Variants in MAML3 observed in about 807,000 individuals in gnomAD.
The protein encoded by MAML3 is mastermind like transcriptional coactivator 3.
In MAML3, 27 loss-of-function variants were observed where a neutral mutation model predicts 101.9. That is an observed-to-expected ratio of 0.27 (90% CI 0.20 to 0.37). The LOEUF (loss-of-function observed/expected upper bound fraction) is 0.37. Among genes scored for constraint, MAML3 ranks in the 10% least tolerant of loss-of-function variants. The probability of loss-of-function intolerance (pLI) is 1.00; values close to 1 mark genes in which losing one functional copy is unlikely to be tolerated. For synonymous variants in MAML3, 501 were observed against 555.9 expected (o/e 0.90, Z 1.39); for missense variants, 1,316 against 1,444.9 (o/e 0.91, Z 1.45).
At position 139,716,858 on chromosome 4, in the gene MAML3, A is replaced by G. The variant is rs1478497568; in HGVS notation, c.*2465T>C. The stretch of plus-strand genomic sequence containing the variant: ...CGTTCTGTACATTTCTTAAAAGGAA[A>G]TAAGCAATGCTCAATGTACAAAGTA... On this transcript the variant is annotated 3_prime_UTR_variant, in exon 5 of 5. Coordinates refer to ENST00000509479, the MANE Select transcript of MAML3 (RefSeq NM_018717.5). 6.5e-6 allele frequency: 1 copy of G among 152,676 alleles called. No individual in the cohort carries two copies. The highest frequency in any genetic ancestry group is 1.5e-5 in the Non-Finnish European group (1 of 68,052). 9.5% of individuals were successfully genotyped at this position (152,676 alleles called of 1,614,324 possible).
At chr4:139,931,117 A>AT (rs1733385011) in intron 1 of MAML3, among the ~76,000 whole-genome samples, 1 of 152,114 alleles carries the variant, frequency 6.6e-6, no homozygotes, top group Non-Finnish European at 1.5e-5. Context: ...TGACTGTACA[A>AT]TTTGTGAGCC....
rs564807471 is a variant in MAML3, at chr4:140,003,820, G to A, written c.469-112853C>T. ...AGTTTCCATGTCTGTGACAATCAAG[G>A]ATTGGGCTCCTTGAATTAAGTCTGC... On this transcript the variant is annotated intron_variant, in intron 1 of 4. Transcript: ENST00000509479. 7.2e-5 allele frequency among the ~76,000 whole-genome samples: 11 copies of A among 152,254 alleles called. No homozygotes were observed. The South Asian group carries it at 1.0e-3, about 14-fold the overall frequency.
Position 140,143,772 on chromosome 4 carries a change from AC to A in MAML3, c.468+9087del, listed in dbSNP as rs1472338987. On this transcript the variant is annotated intron_variant, in intron 1 of 4. Coordinates refer to ENST00000509479, the MANE Select transcript of MAML3 (RefSeq NM_018717.5). ...CGAGACTCTGTCTCAAAAAAAGACA[AC>A]CGTTCACCTTTCTGACAGGCAAGAA... 2.0e-5 allele frequency among the ~76,000 whole-genome samples: 3 copies of A among 151,990 alleles called. No individual in the cohort carries two copies. The East Asian group carries it at 5.8e-4, about 30-fold the overall frequency.
chr4:140,011,538 G>A (rs1578642028), intron 1 of MAML3, among the ~76,000 whole-genome samples: 1 of 150,470 alleles, frequency 6.6e-6, no homozygotes, highest in East Asian at 2.0e-4. Context: ...TAGAGACGGG[G>A]TTTCACCTTG....
chr4:139,840,974 T>C (rs569513343), intron 2 of MAML3, among the ~76,000 whole-genome samples: 5 of 152,186 alleles, frequency 3.3e-5, no homozygotes, highest in Non-Finnish European at 7.3e-5. Context: ...TATCAGCAAC[T>C]CATCTGGTCA....
rs558851336 is a variant in MAML3, at chr4:139,850,108, C to CT, written c.2079+39248dup. On this transcript the variant is annotated intron_variant, in intron 2 of 4. Coordinates refer to ENST00000509479, the MANE Select transcript of MAML3 (RefSeq NM_018717.5). The stretch of plus-strand genomic sequence containing the variant: ...TATTCAATTCAGTATATTTCCCCCC[C>CT]TACACCCTATGTATTTGTAGCCAGT... 3.3e-5 allele frequency among the ~76,000 whole-genome samples: 5 copies of CT among 152,208 alleles called. No homozygotes were observed. The South Asian group carries it at 1.0e-3, about 32-fold the overall frequency.
rs1394268001 is a variant in MAML3, at chr4:139,735,501, G to A, written c.2080-4834C>T. Among the ~76,000 whole-genome samples the A allele has an allele frequency of 1.3e-5, 2 of 151,970 alleles. No homozygotes were observed. Among genetic ancestry groups the A allele is most frequent in the African/African-American group, 4.8e-5 (2 of 41,394 alleles). On this transcript the variant is annotated intron_variant, in intron 2 of 4. Coordinates refer to ENST00000509479, the MANE Select transcript of MAML3 (RefSeq NM_018717.5). This position sits in a 1 kb window ranked among gnomAD's most constrained non-coding sequence, Gnocchi z 5.8. ...GGAGGGTGGCGGACACCAGACCCCAGGGCCGACAGCCCGGGAGGGACCGGG... is the reference window on the plus strand; with the variant it reads ...GGAGGGTGGCGGACACCAGACCCCAAGGCCGACAGCCCGGGAGGGACCGGG...
intron 1 of MAML3, among the ~76,000 whole-genome samples, chr4:140,151,593 C>T (rs548380067): frequency 6.6e-5 from 10 of 151,584 alleles, no homozygotes; most frequent in Admixed American, 5.9e-4. Flanking sequence ...CCGCCGATCG[C>T]TGGGCGGTCT....
intron 1 of MAML3, among the ~76,000 whole-genome samples, chr4:140,112,869 TATTTGTTCTTTTCAG>T (rs1255309279): frequency 6.6e-6 from 1 of 152,244 alleles, no homozygotes; most frequent in Non-Finnish European, 1.5e-5. Context: ...AAAATATTGC[TATTTGTTCTTTTCAG>T]AAAGAAAAAA....
intron 1 of MAML3, among the ~76,000 whole-genome samples, chr4:139,982,388 C>T (rs1297201997): frequency 1.3e-5 from 2 of 152,010 alleles, no homozygotes; most frequent in African/African-American, 2.4e-5. Flanking sequence ...CTATATTTCC[C>T]CCCACCCAGC....
chr4:139,926,144 G>C (rs1268307985), intron 1 of MAML3, among the ~76,000 whole-genome samples: 1 of 152,090 alleles, frequency 6.6e-6, no homozygotes, highest in African/African-American at 2.4e-5. Flanking sequence ...TGACCTGAAG[G>C]AAAAAGGATT....
rs775871390 is a variant in MAML3, at chr4:140,152,888, G to A, written c.440C>T (p.Ala147Val). 3.1e-6 allele frequency: 5 copies of A among 1,611,660 alleles called. No homozygotes were observed. Among genetic ancestry groups the A allele is most frequent in the South Asian group, 2.2e-5 (2 of 90,948 alleles). ...KPQQDAEAASAEQRNHTLIML... is the reference protein window; with the variant it reads ...KPQQDAEAASVEQRNHTLIML... Reference sequence around the variant, plus strand: ...GATCAGCGTGTGGTTCCTCTGCTCCGCCGAGGCAGCCTCCGCATCTTGCTG... The same window carrying A: ...GATCAGCGTGTGGTTCCTCTGCTCCACCGAGGCAGCCTCCGCATCTTGCTG... Residue 147 changes from alanine to valine, a missense_variant, in exon 1 of 5, where the codon GCG (alanine) becomes GTG (valine). Transcript: ENST00000509479.
intron 1 of MAML3, among the ~76,000 whole-genome samples, chr4:139,902,621 C>T (rs1732749122): frequency 6.6e-6 from 1 of 152,154 alleles, no homozygotes; most frequent in African/African-American, 2.4e-5. Context: ...TTCAGCCAGG[C>T]GGAGGTACAC....
At chr4:139,856,513 G>A (rs1731666123) in intron 2 of MAML3, among the ~76,000 whole-genome samples, 1 of 152,202 alleles carries the variant, frequency 6.6e-6, no homozygotes, top group African/African-American at 2.4e-5. Flanking sequence ...AGCACTCAGA[G>A]AGTCAACTGT....
intron 1 of MAML3, among the ~76,000 whole-genome samples, chr4:139,913,512 G>A (rs958804951): frequency 6.6e-6 from 1 of 152,136 alleles, no homozygotes; most frequent in African/African-American, 2.4e-5. Flanking sequence ...TGAGTTTCAT[G>A]GGGGAAAAGT....
chr4:139,796,299 A>G (rs1730510128), intron 2 of MAML3, among the ~76,000 whole-genome samples: 1 of 152,222 alleles, frequency 6.6e-6, no homozygotes, highest in Non-Finnish European at 1.5e-5. Context: ...TACACTTCAC[A>G]TGTCTGACAA....
intron 1 of MAML3, among the ~76,000 whole-genome samples, chr4:140,141,387 A>T (rs1293722242): frequency 6.6e-5 from 10 of 152,212 alleles, no homozygotes; most frequent in Non-Finnish European, 1.5e-4. Context: ...TACACAGATG[A>T]CTGGATTAGT....
chr4:140,051,569 AAAATT>A (rs1727270548), intron 1 of MAML3, among the ~76,000 whole-genome samples: 2 of 152,100 alleles, frequency 1.3e-5, no homozygotes, highest in Admixed American at 1.3e-4. Context: ...AAAAAAAAAA[AAAATT>A]AAATTAATGG....
At chr4:139,778,010 C>G (rs1342666291) in intron 2 of MAML3, among the ~76,000 whole-genome samples, 1 of 152,192 alleles carries the variant, frequency 6.6e-6, no homozygotes, top group Non-Finnish European at 1.5e-5. Flanking sequence ...GCTCAAGTGT[C>G]ACCTCCATGG....
Sources: gnomAD v4.1 joint callset for allele counts (sites outside exome capture counted in the v4.1 genomes callset) on GRCh38, gnomAD v4.1.1 for gene constraint, Gnocchi (gnomAD v3.1) non-coding constraint, MANE v1.5 for transcripts, NCBI Gene and HGNC (gene_info 2026-07-23, HGNC 2026-07-21) for gene names.